The following TMEM150C variants were observed in gnomAD, a reference collection of about 807,000 sequenced individuals.
TMEM150C encodes tentonin 3.
Under a neutral mutation model 29.9 loss-of-function variants are expected in TMEM150C, and 10 were observed. That is an observed-to-expected ratio of 0.33 (90% CI 0.21 to 0.57). The LOEUF (loss-of-function observed/expected upper bound fraction) is 0.57. Ranked by LOEUF, TMEM150C falls within the 20% of genes least tolerant of loss-of-function variation. TMEM150C has a pLI of 0.88. For synonymous variants in TMEM150C, 101 were observed against 112.5 expected, an observed-to-expected ratio of 0.90 and a Z score of 0.64; for missense variants, 251 against 303.6, an observed-to-expected ratio of 0.83 and a Z score of 1.29.
chr4:82,530,398 A>G (rs983655667), intron 1 of TMEM150C, among the ~76,000 whole-genome samples: 20 of 152,114 alleles, frequency 1.3e-4, no homozygotes, highest in African/African-American at 4.6e-4. Flanking sequence ...TCTACTAAAA[A>G]TACAAAAAAT....
chr4:82,494,803 T>TTTTGG, intron 6 of TMEM150C: 1 of 302,812 alleles, frequency 3.3e-6, no homozygotes, highest in Non-Finnish European at 6.5e-6. Flanking sequence ...TTTTTTTTTT[T>TTTTGG]GTGAGTCTGA....
chr4:82,550,202 T>G (rs1430535723), intron 1 of TMEM150C, among the ~76,000 whole-genome samples: 1 of 152,088 alleles, frequency 6.6e-6, no homozygotes, highest in Non-Finnish European at 1.5e-5. Context: ...TCTGATGGTT[T>G]TATAAGTGTT....
At chr4:82,498,899 A>AT (rs1723642526) in intron 5 of TMEM150C, among the ~76,000 whole-genome samples, 1 of 152,240 alleles carries the variant, frequency 6.6e-6, no homozygotes, top group Non-Finnish European at 1.5e-5. Context: ...ACAAATTATG[A>AT]AATTCAGCAG....
chr4:82,535,163 G>A lies in TMEM150C; in HGVS notation c.-11+26743C>T, dbSNP rs543711879. 3.9e-5 allele frequency among the ~76,000 whole-genome samples: 6 copies of A among 152,286 alleles called. No individual in the cohort carries two copies. In the East Asian group the frequency reaches 1.2e-3, roughly 29 times the overall value. ...TGCTATAACAGCATACCACAAACTGGGTAATTTATAAAGAATAGGAGTTGA... is the reference window on the plus strand; with the variant it reads ...TGCTATAACAGCATACCACAAACTGAGTAATTTATAAAGAATAGGAGTTGA... On this transcript the variant is annotated intron_variant, in intron 1 of 7. Coordinates refer to ENST00000449862, the MANE Select transcript of TMEM150C (RefSeq NM_001080506.3).
chr4:82,487,598 T>C (rs1723204876), intron 7 of TMEM150C, among the ~76,000 whole-genome samples: 1 of 152,220 alleles, frequency 6.6e-6, no homozygotes, highest in Non-Finnish European at 1.5e-5. Flanking sequence ...GTTTTGATCT[T>C]TTTGTTCATA....
At chr4:82,549,516 G>A (rs909800678) in intron 1 of TMEM150C, among the ~76,000 whole-genome samples, 10 of 152,174 alleles carry the variant, frequency 6.6e-5, no homozygotes, top group East Asian at 1.9e-4. Flanking sequence ...TCTGTAAGAC[G>A]AAAGAAGTTT....
chr4:82,538,613 T>C (rs1261470765), intron 1 of TMEM150C, among the ~76,000 whole-genome samples: 1 of 151,984 alleles, frequency 6.6e-6, no homozygotes, highest in Admixed American at 6.6e-5. Flanking sequence ...GTAAAAAAAG[T>C]CTGAAATAGA....
chr4:82,497,753 T>A (rs1268795461), intron 5 of TMEM150C, among the ~76,000 whole-genome samples: 1 of 152,234 alleles, frequency 6.6e-6, no homozygotes, highest in Non-Finnish European at 1.5e-5. Context: ...GTAGGAGTTA[T>A]ATCCGAAGTC....
At chr4:82,526,339 G>A (rs1161316264) in intron 1 of TMEM150C, among the ~76,000 whole-genome samples, 1 of 152,212 alleles carries the variant, frequency 6.6e-6, no homozygotes, top group Non-Finnish European at 1.5e-5. Context: ...GTCAGTGCTA[G>A]ATCCTATCTG....
intron 1 of TMEM150C, among the ~76,000 whole-genome samples, chr4:82,541,252 C>T (rs1725191234): frequency 6.6e-6 from 1 of 152,102 alleles, no homozygotes; most frequent in East Asian, 1.9e-4. Flanking sequence ...AATATTTAAC[C>T]CTGATTTGAT....
At chr4:82,493,839 A>G (rs1479812872) in intron 6 of TMEM150C, among the ~76,000 whole-genome samples, 2 of 152,230 alleles carry the variant, frequency 1.3e-5, no homozygotes, top group Non-Finnish European at 2.9e-5. Flanking sequence ...CAGCCAATAT[A>G]TTCTAAGAAT....
intron 1 of TMEM150C, among the ~76,000 whole-genome samples, chr4:82,533,830 A>G (rs1256740133): frequency 6.6e-6 from 1 of 152,234 alleles, no homozygotes; most frequent in Non-Finnish European, 1.5e-5. Flanking sequence ...TATCCGCACA[A>G]TGAAAGAATG....
At chr4:82,536,213 C>T (rs1278903772) in intron 1 of TMEM150C, among the ~76,000 whole-genome samples, 2 of 152,020 alleles carry the variant, frequency 1.3e-5, no homozygotes, top group East Asian at 1.9e-4. Context: ...CAAAAATAAG[C>T]TGGTCCTGGT....
chr4:82,547,368 C>A (rs1397263990), intron 1 of TMEM150C, among the ~76,000 whole-genome samples: 3 of 151,586 alleles, frequency 2.0e-5, no homozygotes, highest in African/African-American at 7.3e-5. Context: ...GTGGGCGGAT[C>A]ATTTGAGGTC....
At chr4:82,525,199 T>C (rs1365740845) in intron 1 of TMEM150C, among the ~76,000 whole-genome samples, 1 of 152,254 alleles carries the variant, frequency 6.6e-6, no homozygotes, top group African/African-American at 2.4e-5. Context: ...CTTTAAAATG[T>C]ACTCTGCTAG....
chr4:82,501,465 C>T (rs760259134), intron 5 of TMEM150C, among the ~76,000 whole-genome samples: 1 of 152,322 alleles, frequency 6.6e-6, no homozygotes, highest in African/African-American at 2.4e-5. Flanking sequence ...CCAGGCTTTC[C>T]GGACACCTCC....
In TMEM150C at chr4:82,504,582, T is replaced by C. The variant is rs761388447; in HGVS notation, c.76A>G (p.Ile26Val). Residue 26 changes from isoleucine to valine, a missense_variant, in exon 2 of 8, where the codon ATA becomes GTA. Transcript: ENST00000449862. The part of the protein sequence containing the change: ...FTLFTSAGLW[I>V]VYFIAVEDDK... Reference sequence around the variant, plus strand: ...ATTAAATGAGCAAATACTCACACTATCCACAATCCAGCTGAAGTAAACAAA... The same window carrying C: ...ATTAAATGAGCAAATACTCACACTACCCACAATCCAGCTGAAGTAAACAAA... 2 of 1,611,706 alleles carry C rather than the reference T, an allele frequency of 1.2e-6. No homozygotes were observed. The highest frequency in any genetic ancestry group is 1.7e-6 in the Non-Finnish European group (2 of 1,178,306).
Position 82,485,387 on chromosome 4 carries a change from TG to T in TMEM150C, c.*123del. Reference sequence around the variant, plus strand: ...CCCTGAAAAGCTCATTTGGCAAATGTGGCCATGAATGTGTGTGTGTGTGTGT... The same window carrying T: ...CCCTGAAAAGCTCATTTGGCAAATGTGCCATGAATGTGTGTGTGTGTGTGT... On this transcript the variant is annotated 3_prime_UTR_variant, in exon 8 of 8. Transcript: ENST00000449862. The T allele has an allele frequency of 1.3e-6, 1 of 748,690 alleles. No homozygotes were observed. Among genetic ancestry groups the T allele is most frequent in the Non-Finnish European group, 2.2e-6 (1 of 462,902 alleles). The allele number at this position is 748,690 out of a possible 1,614,324, so 46.4% of individuals were successfully genotyped here.
intron 1 of TMEM150C, among the ~76,000 whole-genome samples, chr4:82,509,159 A>G (rs1298143434): frequency 2.6e-5 from 4 of 152,166 alleles, no homozygotes; most frequent in Non-Finnish European, 2.9e-5. Context: ...CTTTTACTCA[A>G]TCTGTGGTGT....
Sources: allele counts gnomAD v4.1 joint callset (sites outside exome capture counted in the v4.1 genomes callset), GRCh38; gene constraint gnomAD v4.1.1; transcripts MANE v1.5; gene names NCBI Gene and HGNC (gene_info 2026-07-23, HGNC 2026-07-21).